Variants in EPHX2 observed in about 807,000 individuals in gnomAD.
The protein encoded by EPHX2 is epoxide hydrolase 2.
A neutral mutation model predicts 78.7 loss-of-function variants in EPHX2; 74 were observed. The observed-to-expected ratio is 0.94, with a 90% CI of 0.78 to 1.14. The LOEUF is 1.14. EPHX2 is among the 50% of genes most tolerant of loss of function. The pLI, the probability that EPHX2 is intolerant of heterozygous loss-of-function variation, is 0.00. For missense variants in EPHX2, 715 were observed against 702.5 expected (o/e 1.02, Z -0.20); for synonymous variants, 251 against 255.2 (o/e 0.98, Z 0.16).
At chr8:27,525,996 C>A (rs922968773) in intron 12 of EPHX2, among the ~76,000 whole-genome samples, 26 of 152,228 alleles carry the variant, frequency 1.7e-4, no homozygotes, top group Admixed American at 1.2e-3. Context: ...CATCAGGAGT[C>A]AACGTCACCT....
intron 10 of EPHX2, among the ~76,000 whole-genome samples, chr8:27,521,116 T>C (rs4149245): frequency 0.32 from 48,280 of 151,994 alleles, 11,875 homozygotes; most frequent in African/African-American, 0.69. Flanking sequence ...GAGATGAGCT[T>C]GTTTATTTGT....
chr8:27,529,936 T>C (rs1814976921), intron 12 of EPHX2, among the ~76,000 whole-genome samples: 1 of 151,848 alleles, frequency 6.6e-6, no homozygotes, highest in Non-Finnish European at 1.5e-5. Context: ...TATTTAAGTA[T>C]TTAACCAGAA....
Position 27,522,459 on chromosome 8 carries a change from G to T in EPHX2, c.1009G>T (p.Gly337Cys). The change falls in exon 11 of 19, where the codon GGT becomes TGT. Residue 337 changes from glycine to cysteine, a missense_variant. By Grantham distance (159) the Gly-to-Cys change is radical (BLOSUM62 -3). Coordinates refer to ENST00000521400, the MANE Select transcript of EPHX2 (RefSeq NM_001979.6). ...AGCAGTGTTCATTGGCCATGACTGG[G>T]GTGGCATGCTGGTGTGGTACATGGC... Reference protein sequence around the residue: ...SQAVFIGHDWGGMLVWYMALF... With the variant: ...SQAVFIGHDWCGMLVWYMALF... 3 of 1,614,038 alleles carry T rather than the reference G, an allele frequency of 1.9e-6. No homozygotes were observed. The highest frequency in any genetic ancestry group is 2.5e-6 in the Non-Finnish European group (3 of 1,180,002).
intron 12 of EPHX2, among the ~76,000 whole-genome samples, chr8:27,531,305 G>A (rs770440136): frequency 2.0e-5 from 3 of 152,176 alleles, no homozygotes; most frequent in South Asian, 2.1e-4. Flanking sequence ...GAAAGAGCTG[G>A]CACCATCAGC....
chr8:27,536,186 A>C lies in EPHX2; in HGVS notation c.1171-598A>C, dbSNP rs149530690. Among the ~76,000 whole-genome samples the C allele has an allele frequency of 2.0e-4, 30 of 152,328 alleles. No homozygotes were observed. The East Asian group carries it at 5.8e-3, about 29-fold the overall frequency. On this transcript the variant is annotated intron_variant, in intron 12 of 18. Coordinates refer to ENST00000521400, the MANE Select transcript of EPHX2 (RefSeq NM_001979.6). ...CCTTGCTGCCCTGTCTGTGGAATAC[A>C]ATCTATTGGCAATCTAATGGTCTGT...
At chr8:27,505,758 C>T (rs776985352) in intron 4 of EPHX2, among the ~76,000 whole-genome samples, 15 of 152,186 alleles carry the variant, frequency 9.9e-5, no homozygotes, top group Non-Finnish European at 2.2e-4. Flanking sequence ...TCCCCTTTCA[C>T]CTCCTGGACT....
chr8:27,541,827 A>AC (rs1815413726), intron 16 of EPHX2, among the ~76,000 whole-genome samples: 1 of 152,028 alleles, frequency 6.6e-6, no homozygotes, highest in South Asian at 2.1e-4. Flanking sequence ...CCCTGGTGGT[A>AC]CCCCAAGGCA....
intron 6 of EPHX2, among the ~76,000 whole-genome samples, chr8:27,513,090 C>T (rs1318296301): frequency 4.6e-5 from 7 of 152,078 alleles, no homozygotes; most frequent in Non-Finnish European, 7.4e-5. Context: ...CTCACAACCT[C>T]GGTGGTTTGG....
chr8:27,496,671 T>C (rs1813585072), intron 1 of EPHX2, among the ~76,000 whole-genome samples: 1 of 152,218 alleles, frequency 6.6e-6, no homozygotes, highest in African/African-American at 2.4e-5. Flanking sequence ...TGCATTTTCT[T>C]ACTAAGCCTT....
chr8:27,516,432 G>A (rs1276968943), intron 8 of EPHX2, 34 bp downstream of exon 8: 3 of 1,602,024 alleles, frequency 1.9e-6, no homozygotes, highest in Non-Finnish European at 2.6e-6. Flanking sequence ...TCTTATGCTG[G>A]TCTTGCCTTC....
At chr8:27,530,899 G>A (rs935789540) in intron 12 of EPHX2, among the ~76,000 whole-genome samples, 2 of 151,928 alleles carry the variant, frequency 1.3e-5, no homozygotes, top group African/African-American at 2.4e-5. Context: ...AAGTAGCTGG[G>A]ATTACAGGCA....
intron 3 of EPHX2, among the ~76,000 whole-genome samples, chr8:27,504,119 A>T (rs1219474480): frequency 6.6e-6 from 1 of 152,236 alleles, no homozygotes; most frequent in Non-Finnish European, 1.5e-5. Flanking sequence ...GCCTCTGGGT[A>T]TCAGAGTGTC....
At chr8:27,524,143 G>A (rs1374373183) in intron 11 of EPHX2, among the ~76,000 whole-genome samples, 2 of 152,074 alleles carry the variant, frequency 1.3e-5, no homozygotes, top group Non-Finnish European at 2.9e-5. Context: ...ACATTGGCCA[G>A]GCTGGTCTAG....
downstream of EPHX2, among the ~76,000 whole-genome samples, chr8:27,547,156 T>C (rs936607717): frequency 6.6e-6 from 1 of 152,188 alleles, no homozygotes; most frequent in African/African-American, 2.4e-5. Flanking sequence ...ACGTGAGATT[T>C]GGGTGGGGAC....
intron 11 of EPHX2, among the ~76,000 whole-genome samples, chr8:27,525,099 T>TGCGCGCGC (rs1267290460): frequency 7.3e-6 from 1 of 136,176 alleles, no homozygotes; most frequent in African/African-American, 3.2e-5. Flanking sequence ...TGTGTGTGTG[T>TGCGCGCGC]GTGTGTGTGC....
At chr8:27,494,198 G>A (rs1813490322) in intron 1 of EPHX2, among the ~76,000 whole-genome samples, 1 of 152,188 alleles carries the variant, frequency 6.6e-6, no homozygotes. Flanking sequence ...TAATTACACT[G>A]ATGGGATAGT....
chr8:27,503,547 C>T (rs1813876902), intron 2 of EPHX2, 57 bp from the exon 3 acceptor site: 2 of 1,533,434 alleles, frequency 1.3e-6, no homozygotes, highest in African/African-American at 1.4e-5. Context: ...TTTAGTAGAC[C>T]CTGCCAGAGC....
chr8:27,538,535 C>G, intron 13 of EPHX2, 124 bp from the exon 14 acceptor site: 1 of 869,324 alleles, frequency 1.2e-6, no homozygotes, highest in Non-Finnish European at 1.8e-6. Context: ...GGTCATTTGT[C>G]ATAACAGGGT....
rs745587412 is a variant in EPHX2, at chr8:27,544,237, A to T, written c.1582A>T (p.Met528Leu). 1.9e-6 allele frequency: 3 copies of T among 1,614,150 alleles called. No individual in the cohort carries two copies. The East Asian group carries it at 6.7e-5, about 36-fold the overall frequency. ...TGAGGACTGTGGGCACTGGACACAGATGGACAAGTAAGGAGGTTGGGGGCT... is the reference window on the plus strand; with the variant it reads ...TGAGGACTGTGGGCACTGGACACAGTTGGACAAGTAAGGAGGTTGGGGGCT... ...HIEDCGHWTQMDKPTEVNQIL... is the reference protein window; with the variant it reads ...HIEDCGHWTQLDKPTEVNQIL... Residue 528 changes from methionine to leucine, a missense_variant, in exon 18 of 19, where the codon ATG becomes TTG. Coordinates refer to ENST00000521400, the MANE Select transcript of EPHX2 (RefSeq NM_001979.6).
Sources: gnomAD v4.1 joint callset for allele counts (sites outside exome capture counted in the v4.1 genomes callset) on GRCh38, gnomAD v4.1.1 for gene constraint, MANE v1.5 for transcripts, NCBI Gene and HGNC (gene_info 2026-07-23, HGNC 2026-07-21) for gene names.